Variants in MLLT3 observed in about 807,000 individuals in gnomAD.
The protein encoded by MLLT3 is MLLT3 super elongation complex subunit.
In MLLT3, 4 loss-of-function variants were observed where a neutral mutation model predicts 53.2. The observed-to-expected ratio is 0.08, with a 90% confidence interval of 0.04 to 0.17. The LOEUF is 0.17. Among genes scored for constraint, MLLT3 ranks in the 10% least tolerant of loss-of-function variants. The pLI is 1.00. For synonymous variants in MLLT3, 283 were observed against 230.6 expected, an observed-to-expected ratio of 1.23 and a Z score of -2.06; for missense variants, 569 against 684.0, an observed-to-expected ratio of 0.83 and a Z score of 1.87.
chr9:20,445,621 C>G (rs976953194), intron 4 of MLLT3, among the ~76,000 whole-genome samples: 4 of 152,122 alleles, frequency 2.6e-5, no homozygotes, highest in Admixed American at 2.6e-4. Context: ...AAAAGCAACA[C>G]TCAACTTTTA....
intron 10 of MLLT3, among the ~76,000 whole-genome samples, chr9:20,349,780 T>C (rs1820965949): frequency 6.6e-6 from 1 of 152,212 alleles, no homozygotes; most frequent in African/African-American, 2.4e-5. Flanking sequence ...CTACCTCCTC[T>C]ATCACCATGT....
At chr9:20,397,260 T>C (rs561278635) in intron 5 of MLLT3, among the ~76,000 whole-genome samples, 8 of 152,282 alleles carry the variant, frequency 5.3e-5, no homozygotes, top group South Asian at 2.1e-4. Flanking sequence ...ATAGAAACAA[T>C]TGCTTTTTGT....
chr9:20,466,423 T>A (rs147201644), intron 2 of MLLT3, among the ~76,000 whole-genome samples: 4 of 152,306 alleles, frequency 2.6e-5, no homozygotes, highest in South Asian at 2.1e-4. Context: ...TTCAAACGCA[T>A]TTACATTATG....
chr9:20,347,204 G>A lies in MLLT3; in HGVS notation c.1576-630C>T, dbSNP rs140282406. Among the ~76,000 whole-genome samples the A allele has an allele frequency of 2.4e-3, 362 of 152,172 alleles. 2 individuals carry two copies. The highest frequency in any genetic ancestry group is 8.4e-3 in the African/African-American group (350 of 41,522). ...GGAACTGTTTTGTTGTTTGACTTGG[G>A]TGCTAGTTACATAAGATGTTGTCAC... is the stretch of plus-strand genomic sequence containing the variant. On this transcript the variant is annotated intron_variant, in intron 10 of 10. Transcript: ENST00000380338.
chr9:20,467,689 C>A (rs372429027), intron 2 of MLLT3, among the ~76,000 whole-genome samples: 1 of 152,090 alleles, frequency 6.6e-6, no homozygotes, highest in Admixed American at 6.6e-5. Flanking sequence ...CCAAATAATG[C>A]GCAAAGCATA....
intron 2 of MLLT3, among the ~76,000 whole-genome samples, chr9:20,468,573 ATC>A (rs1460354686): frequency 2.0e-5 from 3 of 152,220 alleles, no homozygotes; most frequent in Non-Finnish European, 4.4e-5. Flanking sequence ...TGGAAATGTA[ATC>A]TGAGTTTGAG....
chr9:20,417,951 G>A (rs1377439599), intron 4 of MLLT3, among the ~76,000 whole-genome samples: 6 of 152,254 alleles, frequency 3.9e-5, no homozygotes, highest in African/African-American at 7.2e-5. Context: ...CTTGGCTTCC[G>A]TTTCTTCCCG....
intron 2 of MLLT3, among the ~76,000 whole-genome samples, chr9:20,563,529 A>G (rs1382981589): frequency 6.6e-6 from 1 of 152,138 alleles, no homozygotes; most frequent in Non-Finnish European, 1.5e-5. Context: ...GAACAGCTCC[A>G]TAAAGGTCCA....
rs1821026050 is a variant in MLLT3, at chr9:20,621,930, C to T, written c.12+315G>A. The T allele has an allele frequency of 5.8e-6, 8 of 1,379,626 alleles. No individual in the cohort carries two copies. In the African/African-American group the frequency reaches 9.1e-5, roughly 16 times the overall value. The allele number at this position is 1,379,626 out of a possible 1,614,324, so 85.5% of individuals were successfully genotyped here. ...GTGTGTGTGTGTGTGTGAGTGCGCG[C>T]GTGTGAGCGAGAGGGAGTGTGTGAG... is the stretch of plus-strand genomic sequence containing the variant. On this transcript the variant is annotated intron_variant, in intron 1 of 10. Transcript: ENST00000380338. The surrounding 1 kb of genome is among the most constrained non-coding windows in gnomAD (Gnocchi z 7.0).
intron 2 of MLLT3, among the ~76,000 whole-genome samples, chr9:20,557,848 T>G (rs1291529109): frequency 7.9e-5 from 12 of 152,208 alleles, no homozygotes. Context: ...AAGAAACTGC[T>G]GGGAGAAGGT....
intron 2 of MLLT3, among the ~76,000 whole-genome samples, chr9:20,556,128 G>A (rs938797039): frequency 3.3e-5 from 5 of 151,764 alleles, no homozygotes; most frequent in Admixed American, 2.0e-4. Context: ...TAAAACACCT[G>A]TATATATGCA....
intron 2 of MLLT3, among the ~76,000 whole-genome samples, chr9:20,546,208 A>C (rs1818783139): frequency 6.6e-6 from 1 of 152,226 alleles, no homozygotes; most frequent in Non-Finnish European, 1.5e-5. Flanking sequence ...AGATTGTAAA[A>C]AGAGAGAATA....
chr9:20,613,890 A>G (rs565870835), intron 2 of MLLT3, among the ~76,000 whole-genome samples: 2 of 152,316 alleles, frequency 1.3e-5, no homozygotes, highest in African/African-American at 4.8e-5. Context: ...CCTTCTAGAA[A>G]TTTAACATAA....
intron 8 of MLLT3, 25 bp downstream of exon 8, chr9:20,360,717 G>C: frequency 6.3e-7 from 1 of 1,580,968 alleles, no homozygotes; most frequent in Non-Finnish European, 8.7e-7. Context: ...GCAGAGTCTT[G>C]CAAAGTGCAA....
intron 4 of MLLT3, among the ~76,000 whole-genome samples, chr9:20,435,750 AG>A (rs1823385491): frequency 6.6e-6 from 1 of 152,180 alleles, no homozygotes; most frequent in Non-Finnish European, 1.5e-5. Flanking sequence ...AGTTTTGTAT[AG>A]GGAACTTCAA....
intron 2 of MLLT3, among the ~76,000 whole-genome samples, chr9:20,457,551 G>C (rs1358632296): frequency 6.6e-6 from 1 of 151,904 alleles, no homozygotes; most frequent in East Asian, 1.9e-4. Context: ...GCCTGGCCTA[G>C]AGATGTCCTG....
intron 2 of MLLT3, among the ~76,000 whole-genome samples, chr9:20,586,611 G>A (rs1002842423): frequency 6.6e-6 from 1 of 152,000 alleles, no homozygotes; most frequent in Non-Finnish European, 1.5e-5. Flanking sequence ...AAATACCATG[G>A]AGGCAAATTA....
At position 20,541,965 on chromosome 9, in the gene MLLT3, C is replaced by G. The variant is rs990769318; in HGVS notation, c.193+78689G>C. 5.4e-4 allele frequency among the ~76,000 whole-genome samples: 82 copies of G among 152,288 alleles called. 4 individuals carry two copies. Among genetic ancestry groups the G allele is most frequent in the Non-Finnish European group, 2.2e-4 (15 of 68,026 alleles). On this transcript the variant is annotated intron_variant, in intron 2 of 10. Transcript: ENST00000380338. The stretch of plus-strand genomic sequence containing the variant: ...TATTTTGACCCCCTCCCATGAATCA[C>G]AAATGTTCATAATGGCATCTAGAAT...
At chr9:20,374,927 G>C (rs577409275) in intron 5 of MLLT3, among the ~76,000 whole-genome samples, 5 of 152,286 alleles carry the variant, frequency 3.3e-5, no homozygotes, top group Admixed American at 6.5e-5. Flanking sequence ...TTAAAATGAG[G>C]TCATGAACGT....
Sources: allele counts gnomAD v4.1 joint callset (sites outside exome capture counted in the v4.1 genomes callset), GRCh38; gene constraint gnomAD v4.1.1; non-coding constraint Gnocchi (gnomAD v3.1); transcripts MANE v1.5; gene names NCBI Gene and HGNC (gene_info 2026-07-23, HGNC 2026-07-21).